Variants in CNTNAP2 observed in about 807,000 individuals in gnomAD.
The protein encoded by CNTNAP2 is contactin-associated protein-like 2.
CNTNAP2 carries 98 observed loss-of-function variants against 155.2 expected under a neutral mutation model. The ratio of observed to expected loss-of-function variants is 0.63; its 90% CI spans 0.54 to 0.75. The LOEUF is 0.75. Ranked by LOEUF, CNTNAP2 falls within the 30% of genes least tolerant of loss-of-function variation. CNTNAP2 has a pLI of 0.00. For synonymous variants in CNTNAP2, 651 were observed against 631.2 expected, an observed-to-expected ratio of 1.03 and a Z score of -0.47; for missense variants, 1,727 against 1,688.1, an observed-to-expected ratio of 1.02 and a Z score of -0.40.
At chr7:147,877,168 G>C (rs776593182) in intron 13 of CNTNAP2, among the ~76,000 whole-genome samples, 56 of 152,198 alleles carry the variant, frequency 3.7e-4, no homozygotes, top group Non-Finnish European at 6.5e-4. Context: ...TGATCATGGA[G>C]TGAACCTGTT....
chr7:148,369,941 C>T (rs1287623355), intron 21 of CNTNAP2, among the ~76,000 whole-genome samples: 1 of 152,030 alleles, frequency 6.6e-6, no homozygotes, highest in African/African-American at 2.4e-5. Flanking sequence ...AGTTTCGTAG[C>T]CTCTTATTCA....
chr7:147,225,871 G>GA (rs1803522923), intron 8 of CNTNAP2, among the ~76,000 whole-genome samples: 1 of 124,472 alleles, frequency 8.0e-6, no homozygotes, highest in Non-Finnish European at 1.7e-5. Flanking sequence ...AAGAAGGAAG[G>GA]AGGGAAAGAA....
chr7:147,842,561 T>TC (rs1798764409), intron 13 of CNTNAP2, among the ~76,000 whole-genome samples: 1 of 146,098 alleles, frequency 6.8e-6, no homozygotes. Context: ...GCATTTCTTT[T>TC]TTTTTTTTTT....
chr7:146,606,871 C>T (rs1199990206), intron 1 of CNTNAP2, among the ~76,000 whole-genome samples: 2 of 152,140 alleles, frequency 1.3e-5, no homozygotes, highest in South Asian at 2.1e-4. Flanking sequence ...AAGGAGCTGT[C>T]ATAATTTCCA....
chr7:148,341,559 G>C (rs979724427), intron 21 of CNTNAP2, among the ~76,000 whole-genome samples: 3 of 152,166 alleles, frequency 2.0e-5, no homozygotes, highest in Admixed American at 2.0e-4. Context: ...GGAGGCTTCA[G>C]AAAGGTGAAG....
intron 13 of CNTNAP2, among the ~76,000 whole-genome samples, chr7:147,717,009 A>G (rs574006771): frequency 3.9e-4 from 60 of 152,248 alleles, no homozygotes; most frequent in Non-Finnish European, 7.6e-4. Flanking sequence ...TGGCAAATAC[A>G]TAACAATCTT....
intron 1 of CNTNAP2, among the ~76,000 whole-genome samples, chr7:146,375,671 T>C (rs1244917884): frequency 1.3e-5 from 2 of 152,228 alleles, no homozygotes; most frequent in African/African-American, 4.8e-5. Context: ...CTCTGATTGC[T>C]TTTAAAAAGG....
At chr7:146,868,496 G>A (rs1795245984) in intron 3 of CNTNAP2, among the ~76,000 whole-genome samples, 1 of 152,126 alleles carries the variant, frequency 6.6e-6, no homozygotes, top group Non-Finnish European at 1.5e-5. Context: ...CCTTGGCTAT[G>A]CGGGCTCATT....
chr7:148,284,369 C>T (rs1284196548), intron 21 of CNTNAP2, among the ~76,000 whole-genome samples: 1 of 152,080 alleles, frequency 6.6e-6, no homozygotes. Flanking sequence ...TTCTCTCTTG[C>T]CTGCTGCCAT....
intron 15 of CNTNAP2, among the ~76,000 whole-genome samples, chr7:148,014,673 G>A (rs758793974): frequency 3.9e-5 from 6 of 152,204 alleles, no homozygotes; most frequent in Non-Finnish European, 5.9e-5. Context: ...TAAAGAGCTC[G>A]AAGAATGAAC....
intron 13 of CNTNAP2, among the ~76,000 whole-genome samples, chr7:147,669,738 C>G (rs1248641600): frequency 6.6e-6 from 1 of 152,216 alleles, no homozygotes; most frequent in Admixed American, 6.5e-5. Flanking sequence ...ATTGGCACCA[C>G]CATTGTCCGC....
intron 1 of CNTNAP2, among the ~76,000 whole-genome samples, chr7:146,350,935 A>C (rs1374250003): frequency 6.6e-6 from 1 of 150,972 alleles, no homozygotes; most frequent in Non-Finnish European, 1.5e-5. Flanking sequence ...AAGGACAAAA[A>C]ACCAAACACC....
chr7:148,392,977 T>C (rs1161361732), intron 22 of CNTNAP2, among the ~76,000 whole-genome samples: 1 of 152,224 alleles, frequency 6.6e-6, no homozygotes, highest in Non-Finnish European at 1.5e-5. Context: ...GATTGGTTTC[T>C]GAAGACCTCT....
At chr7:147,349,941 C>A (rs566889271) in intron 9 of CNTNAP2, among the ~76,000 whole-genome samples, 127 of 151,994 alleles carry the variant, frequency 8.4e-4, no homozygotes, top group Non-Finnish European at 1.5e-3. Context: ...ATAGTTACCA[C>A]TACCATCTGG....
chr7:147,438,315 C>T (rs1351235670), intron 10 of CNTNAP2, among the ~76,000 whole-genome samples: 1 of 151,904 alleles, frequency 6.6e-6, no homozygotes, highest in African/African-American at 2.4e-5. Context: ...GAGTTTTTAT[C>T]ATAAAAGGAA....
At chr7:148,045,671 T>C (rs1802762289) in intron 15 of CNTNAP2, among the ~76,000 whole-genome samples, 1 of 152,196 alleles carries the variant, frequency 6.6e-6, no homozygotes, top group Non-Finnish European at 1.5e-5. Flanking sequence ...TTGGCTGCCT[T>C]CCAGTGAATA....
chr7:146,151,682 GTATATATATATATATGTATATATATA>G (rs1271837030), intron 1 of CNTNAP2, among the ~76,000 whole-genome samples: 3,062 of 74,130 alleles, frequency 0.041, 169 homozygotes, highest in African/African-American at 0.05. Context: ...ATATATATAT[GTATATATATATATATGTATATATATA>G]TATATGTATA....
chr7:147,673,798 A>G (rs4427087), intron 13 of CNTNAP2, among the ~76,000 whole-genome samples: 2,495 of 152,308 alleles, frequency 0.016, 220 homozygotes, highest in Admixed American at 0.15. Context: ...ATTTAAATGA[A>G]TCATTGAAAA....
At chr7:147,344,833 A>T (rs1393275975) in intron 9 of CNTNAP2, among the ~76,000 whole-genome samples, 12 of 152,132 alleles carry the variant, frequency 7.9e-5, no homozygotes, top group Admixed American at 7.9e-4. Flanking sequence ...TTCACATATC[A>T]TCTGATTCTT....
Sources: allele counts gnomAD v4.1 joint callset (sites outside exome capture counted in the v4.1 genomes callset), GRCh38; gene constraint gnomAD v4.1.1; transcripts MANE v1.5; gene names NCBI Gene and HGNC (gene_info 2026-07-23, HGNC 2026-07-21).